Variants in NTRK3 observed in about 807,000 individuals in gnomAD.
The protein encoded by NTRK3 is neurotrophic receptor tyrosine kinase 3, also known as NT-3 growth factor receptor.
In NTRK3, 24 loss-of-function variants were observed where a neutral mutation model predicts 91.7. The ratio of observed to expected loss-of-function variants is 0.26; its 90% CI spans 0.19 to 0.37. NTRK3 has a LOEUF of 0.37. Ranked by LOEUF, NTRK3 falls within the 10% of genes least tolerant of loss-of-function variation. The pLI is 1.00. For missense variants in NTRK3, 880 were observed against 1,068.9 expected (o/e 0.82, Z 2.46); for synonymous variants, 483 against 404.0 (o/e 1.20, Z -2.34).
At chr15:87,894,270 G>C (rs1297677147) in intron 17 of NTRK3, among the ~76,000 whole-genome samples, 5 of 152,192 alleles carry the variant, frequency 3.3e-5, no homozygotes, top group Non-Finnish European at 2.9e-5. Flanking sequence ...GATCCCACTA[G>C]CAGTCCCAGC....
At chr15:88,119,950 A>G (rs986876642) in intron 13 of NTRK3, among the ~76,000 whole-genome samples, 1 of 152,118 alleles carries the variant, frequency 6.6e-6, no homozygotes, top group Non-Finnish European at 1.5e-5. Context: ...TCCAGTACCA[A>G]TTCCCCTGCT....
At chr15:88,072,939 A>G (rs1434074074) in intron 13 of NTRK3, 1 of 224,312 alleles carries the variant, frequency 4.5e-6, no homozygotes, top group Non-Finnish European at 8.9e-6. Flanking sequence ...AGCATTTATT[A>G]AGCATCAACC....
exon 19 of NTRK3, chr15:87,872,902 T>C (rs572076539): frequency 4.3e-6 from 1 of 233,052 alleles, no homozygotes; most frequent in South Asian, 1.8e-4. Context: ...CTTAAACGTC[T>C]CAAATGAGAA....
At chr15:88,108,420 T>C (rs999849055) in intron 13 of NTRK3, among the ~76,000 whole-genome samples, 30 of 152,136 alleles carry the variant, frequency 2.0e-4, no homozygotes, top group African/African-American at 7.2e-4. Context: ...AACCTGGTGA[T>C]CCTAAAAAGA....
chr15:88,035,507 C>T (rs1359117968), intron 13 of NTRK3, among the ~76,000 whole-genome samples: 1 of 152,094 alleles, frequency 6.6e-6, no homozygotes, highest in Non-Finnish European at 1.5e-5. Context: ...AAATACCTCT[C>T]GGTATGGACA....
chr15:88,141,479 T>G (rs1361237481), intron 6 of NTRK3, among the ~76,000 whole-genome samples: 1 of 152,200 alleles, frequency 6.6e-6, no homozygotes, highest in East Asian at 1.9e-4. Flanking sequence ...CTGGCCACCC[T>G]GCTAGAATGA....
At chr15:88,047,276 T>C (rs1012161019) in intron 13 of NTRK3, among the ~76,000 whole-genome samples, 1 of 152,170 alleles carries the variant, frequency 6.6e-6, no homozygotes, top group Admixed American at 6.5e-5. Flanking sequence ...TTCTTCCATC[T>C]CACCAGATAA....
At chr15:88,170,624 C>T (rs2045416946) in intron 5 of NTRK3, among the ~76,000 whole-genome samples, 1 of 152,162 alleles carries the variant, frequency 6.6e-6, no homozygotes, top group Non-Finnish European at 1.5e-5. Flanking sequence ...GAGAACAGGT[C>T]TGCACTCTTT....
chr15:88,146,235 G>C (rs1302902195), intron 6 of NTRK3, among the ~76,000 whole-genome samples: 1 of 152,184 alleles, frequency 6.6e-6, no homozygotes, highest in Non-Finnish European at 1.5e-5. Context: ...TGGGATGCTT[G>C]ATGTAAAGCA....
intron 5 of NTRK3, among the ~76,000 whole-genome samples, chr15:88,168,461 G>A (rs1456752916): frequency 6.6e-6 from 1 of 152,220 alleles, no homozygotes; most frequent in Non-Finnish European, 1.5e-5. Flanking sequence ...GAGTTTGACT[G>A]CTTAAGCTTT....
At chr15:87,909,183 G>T (rs1421857407) in intron 17 of NTRK3, among the ~76,000 whole-genome samples, 1 of 151,954 alleles carries the variant, frequency 6.6e-6, no homozygotes, top group Non-Finnish European at 1.5e-5. Flanking sequence ...CCTCCTCCTT[G>T]CTGTCCATGG....
intron 13 of NTRK3, among the ~76,000 whole-genome samples, chr15:88,070,204 G>C (rs1373533179): frequency 6.6e-6 from 1 of 152,178 alleles, no homozygotes; most frequent in Non-Finnish European, 1.5e-5. Flanking sequence ...AAAAGGTAAA[G>C]ACTAGAAGGA....
At chr15:88,183,806 T>C (rs763795905) in intron 4 of NTRK3, among the ~76,000 whole-genome samples, 2 of 152,128 alleles carry the variant, frequency 1.3e-5, no homozygotes, top group Non-Finnish European at 2.9e-5. Context: ...GCCCTCTTTG[T>C]TCCTTGTCCC....
At chr15:88,042,916 C>G (rs2079791968) in intron 13 of NTRK3, among the ~76,000 whole-genome samples, 1 of 152,228 alleles carries the variant, frequency 6.6e-6, no homozygotes, top group African/African-American at 2.4e-5. Context: ...ACTGCAGCAC[C>G]TTGCTGCCCC....
chr15:88,156,281 T>C (rs2043894148), intron 5 of NTRK3, among the ~76,000 whole-genome samples: 1 of 152,178 alleles, frequency 6.6e-6, no homozygotes, highest in African/African-American at 2.4e-5. Context: ...TGCCATGTGC[T>C]GAGGAGGTGG....
chr15:88,065,458 G>A (rs1449056492), intron 13 of NTRK3, among the ~76,000 whole-genome samples: 1 of 152,128 alleles, frequency 6.6e-6, no homozygotes, highest in East Asian at 1.9e-4. Flanking sequence ...CCAGATGGTT[G>A]CTTAGGGCTA....
chr15:88,151,956 G>A (rs1455281836), intron 5 of NTRK3, among the ~76,000 whole-genome samples: 1 of 152,144 alleles, frequency 6.6e-6, no homozygotes, highest in Non-Finnish European at 1.5e-5. Flanking sequence ...TCTCACTTGA[G>A]TGTTTTCTGT....
At chr15:88,173,151 G>A (rs2045678104) in intron 5 of NTRK3, among the ~76,000 whole-genome samples, 1 of 152,172 alleles carries the variant, frequency 6.6e-6, no homozygotes, top group Non-Finnish European at 1.5e-5. Context: ...GTTATCATGT[G>A]CCATAGGGGC....
At chr15:88,137,612 G>T (rs1423381970) in intron 6 of NTRK3, 51 bp from the exon 7 acceptor site, 6 of 1,598,980 alleles carry the variant, frequency 3.8e-6, no homozygotes, top group Non-Finnish European at 8.5e-7. Context: ...AGATGGCCCA[G>T]GACCCTCCCA....
Sources: allele counts gnomAD v4.1 joint callset (sites outside exome capture counted in the v4.1 genomes callset), GRCh38; gene constraint gnomAD v4.1.1; transcripts MANE v1.5; gene names NCBI Gene and HGNC (gene_info 2026-07-23, HGNC 2026-07-21).